The following NKIRAS2 variants were observed in gnomAD, a reference collection of about 807,000 sequenced individuals.
The protein encoded by NKIRAS2 is NFKB inhibitor interacting Ras like 2, also known as NF-kappa-B inhibitor-interacting Ras-like protein 2.
In NKIRAS2, 15 loss-of-function variants were observed where a neutral mutation model predicts 20.7. The ratio of observed to expected loss-of-function variants is 0.73; its 90% CI spans 0.49 to 1.12. The LOEUF (loss-of-function observed/expected upper bound fraction) is 1.12. NKIRAS2 is among the 50% of genes most tolerant of loss of function. The pLI, the probability that NKIRAS2 is intolerant of heterozygous loss-of-function variation, is 0.00. For missense variants in NKIRAS2, 196 were observed against 249.6 expected (o/e 0.79, Z 1.45); for synonymous variants, 116 against 101.4 (o/e 1.14, Z -0.87).
chr17:42,017,759 C>T (rs907075604), upstream of NKIRAS2: 4 of 383,012 alleles, frequency 1.0e-5, no homozygotes, highest in African/African-American at 2.2e-5. Flanking sequence ...AGAGAGTCTT[C>T]CTGAAAGGCT....
upstream of NKIRAS2, among the ~76,000 whole-genome samples, chr17:42,017,971 A>G (rs1174297538): frequency 6.6e-6 from 1 of 152,006 alleles, no homozygotes; most frequent in African/African-American, 2.4e-5. Context: ...GGGCGTCTTC[A>G]CCCTGCGCCT....
upstream of NKIRAS2, chr17:42,017,727 TGCCATA>T: frequency 2.1e-6 from 1 of 484,406 alleles, no homozygotes; most frequent in Non-Finnish European, 3.7e-6. Flanking sequence ...AGAGCCTCAT[TGCCATA>T]GCAACTTCCA....
upstream of NKIRAS2, chr17:42,017,620 T>G (rs1555652218): frequency 1.6e-6 from 1 of 629,042 alleles, no homozygotes; most frequent in Non-Finnish European, 2.7e-6. Context: ...GCCCAGGGGC[T>G]GTGCCGGTGC....
Position 42,023,932 on chromosome 17 carries a change from C to A in NKIRAS2, c.*39C>A, listed in dbSNP as rs1555653691. 5.6e-6 allele frequency: 9 copies of A among 1,605,504 alleles called. No homozygotes were observed. Among genetic ancestry groups the A allele is most frequent in the Non-Finnish European group, 7.7e-6 (9 of 1,175,200 alleles). On this transcript the variant is annotated 3_prime_UTR_variant, in exon 4 of 4. Transcript: ENST00000393885. ...CTCTTTCACGATCCCAGCCCCATTT[C>A]AGTGTCTGGGGCTCTGGTAGATGTG...
chr17:42,021,538 T>TA, intron 1 of NKIRAS2, 26 bp from the exon 2 acceptor site: 1 of 1,588,534 alleles, frequency 6.3e-7, no homozygotes, highest in Non-Finnish European at 8.6e-7. Flanking sequence ...TTCCTCACCT[T>TA]ACCCAGCGTG....
intron 3 of NKIRAS2, among the ~76,000 whole-genome samples, 156 bp downstream of exon 3, chr17:42,022,796 A>G (rs1285334551): frequency 1.3e-5 from 2 of 151,948 alleles, no homozygotes; most frequent in African/African-American, 4.8e-5. Flanking sequence ...TACCCTCAGG[A>G]TTGGCTGCAT....
chr17:42,022,333 A>G (rs2052473654), intron 2 of NKIRAS2, 66 bp from the exon 3 acceptor site: 1 of 1,514,726 alleles, frequency 6.6e-7, no homozygotes, highest in Non-Finnish European at 8.9e-7. Context: ...CAGCCTTAAG[A>G]TGCTCTCATC....
In NKIRAS2 at chr17:42,023,791, G is replaced by A; in HGVS notation, c.474G>A (p.Leu158=). The change falls in exon 4 of 4, where the codon CTG becomes CTA. Residue 158 remains leucine (L), a synonymous_variant. Coordinates refer to ENST00000393885, the MANE Select transcript of NKIRAS2 (RefSeq NM_017595.6). The stretch of plus-strand genomic sequence containing the variant: ...CAGTGGCGGACCGGCGCTCCCTCCT[G>A]GAGCCCTTTGTCTACTTGGCCAGCA... The part of the protein sequence containing the change: ...EVSVADRRSL[L]EPFVYLASKM... The A allele has an allele frequency of 6.2e-7, 1 of 1,614,136 alleles. No individual in the cohort carries two copies. Among genetic ancestry groups the A allele is most frequent in the African/African-American group, 1.3e-5 (1 of 75,016 alleles).
At chr17:42,017,643 A>G (rs1296480472), upstream of NKIRAS2, 12 of 589,942 alleles carry the variant, frequency 2.0e-5, no homozygotes, top group Non-Finnish European at 3.0e-5. Context: ...AGGCGGCGCC[A>G]CTTTACCCGT....
chr17:42,024,114 C>T lies in NKIRAS2; in HGVS notation c.*221C>T, dbSNP rs371408536. 1.6e-6 allele frequency: 1 copy of T among 628,278 alleles called. No homozygotes were observed. 38.9% of individuals were successfully genotyped at this position (628,278 alleles called of 1,614,324 possible). ...CAGCCCTCCCAGCCTACTCCCCATC[C>T]CAGCTTTTAGAGGATCTGCTCCACT... On this transcript the variant is annotated 3_prime_UTR_variant, in exon 4 of 4. Coordinates refer to ENST00000393885, the MANE Select transcript of NKIRAS2 (RefSeq NM_017595.6).
upstream of NKIRAS2, among the ~76,000 whole-genome samples, chr17:42,019,649 A>G (rs1267815494): frequency 6.6e-6 from 1 of 151,940 alleles, no homozygotes; most frequent in Non-Finnish European, 1.5e-5. Flanking sequence ...GTGTCTGCTG[A>G]CTCAACGTTA....
upstream of NKIRAS2, among the ~76,000 whole-genome samples, chr17:42,019,074 C>T (rs149328803): frequency 4.5e-4 from 69 of 152,284 alleles, no homozygotes; most frequent in African/African-American, 1.6e-3. Context: ...AAATCTATCT[C>T]CACCTTTCCA....
At position 42,024,920 on chromosome 17, in the gene NKIRAS2, T is replaced by TGTGA. The variant is rs2052541180; in HGVS notation, c.*1027_*1028insGTGA. The TGTGA allele has an allele frequency of 6.6e-6, 1 of 152,602 alleles. No individual in the cohort carries two copies. Among genetic ancestry groups the TGTGA allele is most frequent in the Non-Finnish European group, 1.5e-5 (1 of 68,060 alleles). The allele number at this position is 152,602 out of a possible 1,614,324, so 9.5% of individuals were successfully genotyped here. A position where few individuals can be genotyped will look rare whatever the true frequency, so the allele number is the denominator to read the frequency against. On this transcript the variant is annotated 3_prime_UTR_variant, in exon 4 of 4. Coordinates refer to ENST00000393885, the MANE Select transcript of NKIRAS2 (RefSeq NM_017595.6). ...CCACTTTGTGACCCAGCAAGACCTT[T>TGTGA]CCCCTCTCTGGGCATCAGTTTCTCA... is the stretch of plus-strand genomic sequence containing the variant.
chr17:42,025,333 G>C lies in NKIRAS2; in HGVS notation c.*1440G>C, dbSNP rs1420766532. The C allele has an allele frequency of 6.6e-6, 1 of 152,668 alleles. No homozygotes were observed. The highest frequency in any genetic ancestry group is 2.1e-4 in the South Asian group (1 of 4,830). The allele number at this position is 152,668 out of a possible 1,614,324, so 9.5% of individuals were successfully genotyped here. ...TGCCTGAACAGAACAAGGCAAACCC[G>C]TAGCAGCCTCTCAGGAGCTGACAGG... is the stretch of plus-strand genomic sequence containing the variant. On this transcript the variant is annotated 3_prime_UTR_variant, in exon 4 of 4. Transcript: ENST00000393885.
chr17:42,023,529 G>A, intron 3 of NKIRAS2, 125 bp from the exon 4 acceptor site: 1 of 839,562 alleles, frequency 1.2e-6, no homozygotes, highest in Non-Finnish European at 1.9e-6. Context: ...ATGGAATCTA[G>A]AAAGAGATGA....
chr17:42,021,762 C>T lies in NKIRAS2; in HGVS notation c.94+91C>T. 6 of 1,227,414 alleles carry T rather than the reference C, an allele frequency of 4.9e-6. No individual in the cohort carries two copies. The Middle Eastern group carries it at 9.4e-4, about 192-fold the overall frequency. 76.0% of individuals were successfully genotyped at this position (1,227,414 alleles called of 1,614,324 possible). A position where few individuals can be genotyped will look rare whatever the true frequency, so the allele number is the denominator to read the frequency against. ...CAACACACACAGGCTAAAAGCTGCT[C>T]CTGGTGGTTTTCCCCCCTGGAAGAA... On this transcript the variant is annotated intron_variant, in intron 2 of 3. Transcript: ENST00000393885.
chr17:42,021,737 C>T (rs1462480465), intron 2 of NKIRAS2, 66 bp downstream of exon 2: 22 of 1,405,916 alleles, frequency 1.6e-5, no homozygotes, highest in Non-Finnish European at 2.1e-5. Context: ...GACTTGATCA[C>T]AACACACACA....
rs201815037 is a variant in NKIRAS2 at position 42,023,671 on chromosome 17, T to C, written c.354T>C (p.Leu118=). ...KDKKEVTIVV[L]GNKCDLQEQR... ...TTCCCCAGGTCACCATCGTGGTCCT[T>C]GGCAACAAGTGTGACTTACAGGAGC... The change falls in exon 4 of 4, where the codon CTT becomes CTC. Residue 118 remains leucine (L), a synonymous_variant. Transcript: ENST00000393885. 5.2e-5 allele frequency: 84 copies of C among 1,614,140 alleles called. 1 individual carries two copies. In the East Asian group the frequency reaches 1.8e-3, roughly 35 times the overall value.
At position 42,023,013 on chromosome 17, in the gene NKIRAS2, G is replaced by GTT. The variant is rs1555653406; in HGVS notation, c.336+375_336+376dup. 1.7e-5 allele frequency: 5 copies of GTT among 295,386 alleles called. No individual in the cohort carries two copies. The East Asian group carries it at 4.5e-4, about 27-fold the overall frequency. The allele number at this position is 295,386 out of a possible 1,614,324, so 18.3% of individuals were successfully genotyped here. A position where few individuals can be genotyped will look rare whatever the true frequency, so the allele number is the denominator to read the frequency against. The stretch of plus-strand genomic sequence containing the variant: ...CCTTCTTTTGTTTGTTTGTTTGTTT[G>GTT]TTTGTTTGAGACAGGGTCTCACTCT... On this transcript the variant is annotated intron_variant, in intron 3 of 3. Coordinates refer to ENST00000393885, the MANE Select transcript of NKIRAS2 (RefSeq NM_017595.6).
Sources: gnomAD v4.1 joint callset for allele counts (sites outside exome capture counted in the v4.1 genomes callset) on GRCh38, gnomAD v4.1.1 for gene constraint, MANE v1.5 for transcripts, NCBI Gene and HGNC (gene_info 2026-07-23, HGNC 2026-07-21) for gene names.